The following GBE1 variants were observed in gnomAD, a reference collection of about 807,000 sequenced individuals.
GBE1 encodes the protein 1,4-alpha-glucan-branching enzyme.
Under a neutral mutation model 88.8 loss-of-function variants are expected in GBE1, and 70 were observed. The ratio of observed to expected loss-of-function variants is 0.79; its 90% CI spans 0.65 to 0.96. GBE1 has a LOEUF of 0.96. GBE1 is among the 40% of genes least tolerant of loss of function. GBE1 has a pLI of 0.00. For synonymous variants in GBE1, 284 were observed against 300.1 expected (o/e 0.95, Z 0.56); for missense variants, 872 against 871.0 (o/e 1.00, Z -0.01).
intron 12 of GBE1, among the ~76,000 whole-genome samples, chr3:81,558,621 T>C (rs1307477408): frequency 6.6e-6 from 1 of 152,022 alleles, no homozygotes; most frequent in Non-Finnish European, 1.5e-5. Context: ...TTGTGACTCA[T>C]GAGGAAACAA....
At chr3:81,557,373 A>T (rs1175964296) in intron 12 of GBE1, among the ~76,000 whole-genome samples, 1 of 152,070 alleles carries the variant, frequency 6.6e-6, no homozygotes, top group Non-Finnish European at 1.5e-5. Flanking sequence ...CTATGGCTGG[A>T]TGTTAAAAAT....
chr3:81,512,244 C>T (rs144967221), intron 14 of GBE1, among the ~76,000 whole-genome samples: 126 of 151,804 alleles, frequency 8.3e-4, no homozygotes, highest in Middle Eastern at 6.8e-3. Context: ...CTACTGGGTG[C>T]TATGCTCACT....
At chr3:81,521,073 C>T (rs1363120418) in intron 14 of GBE1, among the ~76,000 whole-genome samples, 1 of 151,476 alleles carries the variant, frequency 6.6e-6, no homozygotes, top group Non-Finnish European at 1.5e-5. Flanking sequence ...AAACAGCTCC[C>T]CTTCCAACAG....
intron 3 of GBE1, chr3:81,654,546 G>A (rs1254691268): frequency 6.6e-6 from 1 of 152,136 alleles, no homozygotes; most frequent in African/African-American, 2.4e-5. Context: ...GAAGGAAAGT[G>A]TAGCAGGCTA....
chr3:81,565,552 G>A (rs758810212), intron 12 of GBE1, among the ~76,000 whole-genome samples: 3 of 152,070 alleles, frequency 2.0e-5, no homozygotes, highest in Non-Finnish European at 4.4e-5. Context: ...CTTCCCCTGT[G>A]GCTTTGGGGA....
chr3:81,553,793 CA>C, intron 12 of GBE1, among the ~76,000 whole-genome samples: 1 of 151,476 alleles, frequency 6.6e-6, no homozygotes, highest in Admixed American at 6.6e-5. Context: ...CAGAAGAGAA[CA>C]GATAAAGCAC....
At chr3:81,739,980 T>C (rs1706322321) in intron 1 of GBE1, among the ~76,000 whole-genome samples, 1 of 151,996 alleles carries the variant, frequency 6.6e-6, no homozygotes, top group Admixed American at 6.6e-5. Context: ...ATCCCAGCAA[T>C]TTGGAAGGCC....
chr3:81,583,418 A>T (rs929305335), intron 10 of GBE1, among the ~76,000 whole-genome samples: 1 of 152,114 alleles, frequency 6.6e-6, no homozygotes, highest in Non-Finnish European at 1.5e-5. Flanking sequence ...AAATGAGTAC[A>T]CACATGTATA....
intron 7 of GBE1, among the ~76,000 whole-genome samples, chr3:81,636,968 T>A (rs999906774): frequency 6.6e-6 from 1 of 152,148 alleles, no homozygotes; most frequent in African/African-American, 2.4e-5. Flanking sequence ...TCTCCCTTAT[T>A]TTTAGGAGAT....
chr3:81,724,899 C>T (rs903292562), intron 1 of GBE1, among the ~76,000 whole-genome samples: 2 of 152,186 alleles, frequency 1.3e-5, no homozygotes, highest in Non-Finnish European at 2.9e-5. Flanking sequence ...ACGTGTGTTT[C>T]TGTGTTGTCC....
At chr3:81,566,069 T>C (rs560981082) in intron 12 of GBE1, among the ~76,000 whole-genome samples, 9 of 152,338 alleles carry the variant, frequency 5.9e-5, no homozygotes, top group African/African-American at 1.4e-4. Flanking sequence ...TTCAGCCTCC[T>C]GGCCAGGCAC....
chr3:81,592,229 A>T (rs1258867128), intron 8 of GBE1, among the ~76,000 whole-genome samples: 1 of 152,132 alleles, frequency 6.6e-6, no homozygotes. Flanking sequence ...TAGTTACATT[A>T]GATTCCGCCT....
At chr3:81,642,737 T>C (rs779680314) in intron 7 of GBE1, 44 bp downstream of exon 7, 1 of 1,240,900 alleles carries the variant, frequency 8.1e-7, no homozygotes, top group Non-Finnish European at 1.2e-6. Context: ...AAATTAATGT[T>C]AAACAGCAAC....
At chr3:81,542,144 A>T (rs1703151833) in intron 12 of GBE1, among the ~76,000 whole-genome samples, 1 of 152,136 alleles carries the variant, frequency 6.6e-6, no homozygotes, top group East Asian at 1.9e-4. Context: ...GTTTTTGAAC[A>T]AAGATAGACT....
At position 81,516,532 on chromosome 3, in the gene GBE1, C is replaced by A. The variant is rs116819943; in HGVS notation, c.1935-17305G>T. 3.5e-3 allele frequency among the ~76,000 whole-genome samples: 536 copies of A among 151,682 alleles called. 2 individuals carry two copies. Among genetic ancestry groups the A allele is most frequent in the African/African-American group, 0.012 (503 of 41,480 alleles). On this transcript the variant is annotated intron_variant, in intron 14 of 15. Transcript: ENST00000429644. ...CAAGCCATCTAATACAACATGCACTCTGCACCCTATGGATCAAGAAGTAAT... is the reference window on the plus strand; with the variant it reads ...CAAGCCATCTAATACAACATGCACTATGCACCCTATGGATCAAGAAGTAAT...
At chr3:81,682,494 A>G (rs191019533) in intron 2 of GBE1, among the ~76,000 whole-genome samples, 2 of 152,216 alleles carry the variant, frequency 1.3e-5, no homozygotes, top group East Asian at 1.9e-4. Flanking sequence ...AAAAATAAAA[A>G]TAGTCATAAA....
chr3:81,659,861 T>C (rs1164346607), intron 3 of GBE1, among the ~76,000 whole-genome samples: 1 of 152,028 alleles, frequency 6.6e-6, no homozygotes, highest in East Asian at 1.9e-4. Context: ...ATATAGTTAA[T>C]GACTATTAAA....
chr3:81,558,336 G>A (rs929534654), intron 12 of GBE1, among the ~76,000 whole-genome samples: 1 of 151,802 alleles, frequency 6.6e-6, no homozygotes, highest in Non-Finnish European at 1.5e-5. Flanking sequence ...TAAAAAAGAC[G>A]ACATTTACTG....
intron 14 of GBE1, among the ~76,000 whole-genome samples, chr3:81,512,813 T>C (rs6785586): frequency 0.29 from 44,489 of 151,586 alleles, 6,745 homozygotes; most frequent in East Asian, 0.43. Flanking sequence ...TATTCGCATA[T>C]TGTAAATTGC....
Sources: allele counts gnomAD v4.1 joint callset (sites outside exome capture counted in the v4.1 genomes callset), GRCh38; gene constraint gnomAD v4.1.1; transcripts MANE v1.5; gene names NCBI Gene and HGNC (gene_info 2026-07-23, HGNC 2026-07-21).